The following ASB3 variants were observed in gnomAD, a reference collection of about 807,000 sequenced individuals.
The protein encoded by ASB3 is ankyrin repeat and SOCS box containing 3.
Under a neutral mutation model 54.5 loss-of-function variants are expected in ASB3, and 41 were observed. The observed-to-expected ratio is 0.75, with a 90% CI of 0.59 to 0.98. The LOEUF (loss-of-function observed/expected upper bound fraction) is 0.98, where lower values mean the gene tolerates loss of function less well. ASB3 is among the 50% of genes least tolerant of loss of function. ASB3 has a pLI of 0.00. For synonymous variants in ASB3, 266 were observed against 221.2 expected (o/e 1.20, Z -1.80); for missense variants, 733 against 620.0 (o/e 1.18, Z -1.94).
chr2:53,775,105 C>G (rs533562303), intron 1 of ASB3: 1 of 152,692 alleles, frequency 6.5e-6, no homozygotes, highest in South Asian at 2.1e-4. Flanking sequence ...TTATAATGTA[C>G]TGTACCTCTT....
rs1670388874 is a variant in ASB3, at chr2:53,716,334, TC to T, written c.782+231del. Among the ~76,000 whole-genome samples the T allele has an allele frequency of 4.6e-5, 7 of 150,768 alleles. No individual in the cohort carries two copies. The South Asian group carries it at 1.5e-3, about 32-fold the overall frequency. On this transcript the variant is annotated intron_variant, in intron 6 of 9. Transcript: ENST00000263634. ...GGGAAGAGTCAACACCCCGAGAAAG[TC>T]CCTGAGCCTACCCAGTCTGTAGCAA...
intron 9 of ASB3, among the ~76,000 whole-genome samples, chr2:53,691,338 A>G (rs1419267493): frequency 6.6e-6 from 1 of 152,216 alleles, no homozygotes; most frequent in Non-Finnish European, 1.5e-5. Context: ...AAATGGGAGA[A>G]AAATATTTCC....
intron 2 of ASB3, among the ~76,000 whole-genome samples, chr2:53,757,678 C>T (rs2104044187): frequency 6.6e-6 from 1 of 152,294 alleles, no homozygotes; most frequent in South Asian, 2.1e-4. Flanking sequence ...TCCTTAGGTA[C>T]CTAGGCTATG....
intron 9 of ASB3, among the ~76,000 whole-genome samples, chr2:53,688,841 C>T (rs749881527): frequency 5.3e-5 from 8 of 151,808 alleles, no homozygotes; most frequent in East Asian, 1.9e-4. Context: ...GTAGAAGATG[C>T]GTTGATGGGT....
chr2:53,735,192 T>C (rs764513286), intron 3 of ASB3, among the ~76,000 whole-genome samples: 1 of 152,086 alleles, frequency 6.6e-6, no homozygotes, highest in Non-Finnish European at 1.5e-5. Context: ...AGTGCTGGGA[T>C]TACACACATG....
At chr2:53,694,039 A>T (rs774069279) in intron 8 of ASB3, 25 bp from the exon 9 acceptor site, 2 of 1,609,576 alleles carry the variant, frequency 1.2e-6, no homozygotes, top group Non-Finnish European at 1.7e-6. Context: ...TGTTAATATA[A>T]TATTAGAAAC....
Position 53,767,999 on chromosome 2 carries a change from A to C in ASB3, c.-13-2414T>G. On this transcript the variant is annotated intron_variant, in intron 1 of 9. Coordinates refer to ENST00000263634, the MANE Select transcript of ASB3 (RefSeq NM_016115.5). ...AGGCGCTTCTGGCAGGGCAGCACGG[A>C]CCACCGCGGGGTCCCCGGCAAGGTG... is the stretch of plus-strand genomic sequence containing the variant. 1 of 1,611,350 alleles carries C rather than the reference A, an allele frequency of 6.2e-7. No individual in the cohort carries two copies. The highest frequency in any genetic ancestry group is 1.3e-5 in the African/African-American group (1 of 75,002).
chr2:53,700,304 C>A lies in ASB3; in HGVS notation c.1205G>T (p.Gly402Val). 1 of 1,613,920 alleles carries A rather than the reference C, an allele frequency of 6.2e-7. No individual in the cohort carries two copies. Among genetic ancestry groups the A allele is most frequent in the Non-Finnish European group, 8.5e-7 (1 of 1,179,942 alleles). Residue 402 changes from glycine (G) to valine (V), a missense_variant, in exon 8 of 10, where the codon GGA becomes GTA. Physicochemically the swap from Gly to Val is moderately radical, Grantham distance 109. Transcript: ENST00000263634. ...KEWLPHLLVA[G>V]FDPLILLCNS... Reference sequence around the variant, plus strand: ...GCACAGTAGAATCAGTGGGTCAAATCCAGCAACCAGAAGATGTGGCAACCA... The same window carrying A: ...GCACAGTAGAATCAGTGGGTCAAATACAGCAACCAGAAGATGTGGCAACCA...
At chr2:53,725,725 C>T (rs1670958102) in intron 5 of ASB3, among the ~76,000 whole-genome samples, 1 of 152,110 alleles carries the variant, frequency 6.6e-6, no homozygotes, top group South Asian at 2.1e-4. Context: ...TCCATAAATG[C>T]ACCTTGAATA....
intron 1 of ASB3, among the ~76,000 whole-genome samples, chr2:53,781,653 G>A (rs983346670): frequency 6.6e-6 from 1 of 152,070 alleles, no homozygotes; most frequent in Non-Finnish European, 1.5e-5. Context: ...GAGCCACCAC[G>A]CCTGTCTAAT....
intron 3 of ASB3, among the ~76,000 whole-genome samples, chr2:53,739,055 T>C (rs1671794333): frequency 6.6e-6 from 1 of 152,210 alleles, no homozygotes; most frequent in African/African-American, 2.4e-5. Flanking sequence ...AATCTCTAAT[T>C]GTAAATGCTT....
chr2:53,700,204 C>A lies in ASB3; in HGVS notation c.1238+67G>T, dbSNP rs185406454. 1.1e-4 allele frequency: 171 copies of A among 1,547,526 alleles called. 1 individual carries two copies. In the Middle Eastern group the frequency reaches 3.9e-3, roughly 35 times the overall value. Reference sequence around the variant, plus strand: ...CCTTCTCCAAACACTGGGATCTCAACTGAAGGAAATTAAAGGTAGTATATT... The same window carrying A: ...CCTTCTCCAAACACTGGGATCTCAAATGAAGGAAATTAAAGGTAGTATATT... On this transcript the variant is annotated intron_variant, in intron 8 of 9. Coordinates refer to ENST00000263634, the MANE Select transcript of ASB3 (RefSeq NM_016115.5).
chr2:53,762,185 G>GTC, intron 2 of ASB3, among the ~76,000 whole-genome samples: 1 of 152,050 alleles, frequency 6.6e-6, no homozygotes, highest in East Asian at 1.9e-4. Flanking sequence ...GTGTGTGTGT[G>GTC]TGTGTGTGTA....
At chr2:53,678,150 T>TGTGTGTGC (rs1381252370) in intron 9 of ASB3, among the ~76,000 whole-genome samples, 2 of 152,190 alleles carry the variant, frequency 1.3e-5, no homozygotes, top group Middle Eastern at 3.4e-3. Flanking sequence ...GGTGTGTGTG[T>TGTGTGTGC]GTGTGTGTGC....
At chr2:53,765,684 A>G (rs1197820937) in intron 1 of ASB3, 99 bp from the exon 2 acceptor site, 3 of 1,382,474 alleles carry the variant, frequency 2.2e-6, no homozygotes, top group Non-Finnish European at 3.0e-6. Flanking sequence ...TATCTCTCAC[A>G]TGACTGACGA....
At chr2:53,774,271 A>G (rs1674169712) in intron 1 of ASB3, 2 of 1,614,184 alleles carry the variant, frequency 1.2e-6, no homozygotes, top group Non-Finnish European at 1.7e-6. Flanking sequence ...AGATCCCACA[A>G]CAAAACCATT....
At chr2:53,684,407 T>C (rs1254819381) in intron 9 of ASB3, among the ~76,000 whole-genome samples, 1 of 152,218 alleles carries the variant, frequency 6.6e-6, no homozygotes, top group South Asian at 2.1e-4. Flanking sequence ...CTATTCCTGA[T>C]AGTAAATAAT....
At position 53,728,599 on chromosome 2, in the gene ASB3, T is replaced by C; in HGVS notation, c.604+113A>G. The stretch of plus-strand genomic sequence containing the variant: ...TATTTACTCTTATTTACCACTTACA[T>C]AAAACCATAAATTTCACAACCTGAT... On this transcript the variant is annotated intron_variant, in intron 5 of 9. Coordinates refer to ENST00000263634, the MANE Select transcript of ASB3 (RefSeq NM_016115.5). 4 of 1,328,414 alleles carry C rather than the reference T, an allele frequency of 3.0e-6. No homozygotes were observed. In the African/African-American group the frequency reaches 5.8e-5, roughly 19 times the overall value. The allele number at this position is 1,328,414 out of a possible 1,614,324, so 82.3% of individuals were successfully genotyped here.
intron 8 of ASB3, among the ~76,000 whole-genome samples, chr2:53,695,346 T>C (rs1185573457): frequency 2.0e-5 from 3 of 152,192 alleles, no homozygotes; most frequent in African/African-American, 7.2e-5. Context: ...GAAAACATTT[T>C]ATTTCTCAGC....
Sources: allele counts gnomAD v4.1 joint callset (sites outside exome capture counted in the v4.1 genomes callset), GRCh38; gene constraint gnomAD v4.1.1; transcripts MANE v1.5; gene names NCBI Gene and HGNC (gene_info 2026-07-23, HGNC 2026-07-21).